The following PLCB2 variants were observed in gnomAD, a reference collection of about 807,000 sequenced individuals.
PLCB2 encodes the protein 1-phosphatidylinositol 4,5-bisphosphate phosphodiesterase beta-2.
PLCB2 carries 115 observed loss-of-function variants against 141.7 expected under a neutral mutation model. The ratio of observed to expected loss-of-function variants is 0.81; its 90% CI spans 0.70 to 0.95. The LOEUF (loss-of-function observed/expected upper bound fraction) is 0.95. PLCB2 is among the 40% of genes least tolerant of loss of function. The pLI, the probability that PLCB2 is intolerant of heterozygous loss-of-function variation, is 0.00. For synonymous variants in PLCB2, 603 were observed against 595.6 expected (o/e 1.01, Z -0.18); for missense variants, 1,403 against 1,541.1 (o/e 0.91, Z 1.50).
Position 40,297,851 on chromosome 15 carries a change from G to C in PLCB2, c.1238+26C>G. 2.5e-6 allele frequency: 4 copies of C among 1,574,902 alleles called. No homozygotes were observed. The highest frequency in any genetic ancestry group is 3.5e-6 in the Non-Finnish European group (4 of 1,144,798). On this transcript the variant is annotated intron_variant, in intron 12 of 31. Coordinates refer to ENST00000260402, the MANE Select transcript of PLCB2 (RefSeq NM_004573.3). The surrounding 1 kb of genome is among the most constrained non-coding windows in gnomAD (Gnocchi z 4.2). ...AGGAGACTGGGGGCTGGGTGAGAAT[G>C]TGGCTGAATGGGCCTGGATACGCAC...
rs1345400303 is a variant in PLCB2 at position 40,296,292 on chromosome 15, T to G, written c.1696+4A>C. The G allele has an allele frequency of 1.9e-6, 3 of 1,610,848 alleles. No homozygotes were observed. The highest frequency in any genetic ancestry group is 2.5e-6 in the Non-Finnish European group (3 of 1,178,056). On this transcript the variant is annotated splice_donor_region_variant and intron_variant, in intron 16 of 31. Coordinates refer to ENST00000260402, the MANE Select transcript of PLCB2 (RefSeq NM_004573.3). ...CCACCCGTAAGTTACTCATGCTAAC[T>G]TACGGGCAGAGAACTCAAAGGAGAC... is the stretch of plus-strand genomic sequence containing the variant.
downstream of PLCB2, chr15:40,285,518 G>GT: frequency 1.0e-6 from 1 of 984,676 alleles, no homozygotes; most frequent in Non-Finnish European, 1.2e-6. Context: ...GAGCTGCATA[G>GT]TTATTTAGAG....
In PLCB2 at chr15:40,294,380, G is replaced by A. The variant is rs758039999; in HGVS notation, c.1947C>T (p.Asn649=). The part of the protein sequence containing the change: ...MQQNMAVFEF[N]GQSGYLLKHE... ...GCTTGAGGAGGTAGCCGCTCTGCCC[G>A]TTGAACTCAAATACTGCCATGTTCT... The change falls in exon 19 of 32, where the codon AAC becomes AAT. Residue 649 remains asparagine (N), a synonymous_variant. Transcript: ENST00000260402. 29 of 1,614,048 alleles carry A rather than the reference G, an allele frequency of 1.8e-5. No individual in the cohort carries two copies. The highest frequency in any genetic ancestry group is 2.7e-5 in the African/African-American group (2 of 74,942).
chr15:40,291,372 C>T lies in PLCB2; in HGVS notation c.2763G>A (p.Glu921=), dbSNP rs1250383895. Residue 921 remains glutamate, a synonymous_variant, in exon 26 of 32, where the codon GAG becomes GAA. Coordinates refer to ENST00000260402, the MANE Select transcript of PLCB2 (RefSeq NM_004573.3). ...GCGCCGCGCCCCGCTGCAGCAGCTCCTCCCAGCGCCGCGCTCCGCGCCGCT... is the reference window on the plus strand; with the variant it reads ...GCGCCGCGCCCCGCTGCAGCAGCTCTTCCCAGCGCCGCGCTCCGCGCCGCT... ...ELERRGARRW[E]ELLQRGAAQL... is the part of the protein sequence containing the mutation. The T allele has an allele frequency of 1.3e-6, 2 of 1,526,926 alleles. No homozygotes were observed. The highest frequency in any genetic ancestry group is 8.7e-7 in the Non-Finnish European group (1 of 1,143,400). The allele number at this position is 1,526,926 out of a possible 1,614,324, so 94.6% of individuals were successfully genotyped here. A position where few individuals can be genotyped will look rare whatever the true frequency, so the allele number is the denominator to read the frequency against.
At position 40,292,109 on chromosome 15, in the gene PLCB2, G is replaced by A; in HGVS notation, c.2481C>T (p.Asp827=). The A allele has an allele frequency of 1.9e-6, 3 of 1,614,220 alleles. No homozygotes were observed. Among genetic ancestry groups the A allele is most frequent in the Non-Finnish European group, 2.5e-6 (3 of 1,180,046 alleles). Residue 827 remains aspartate (D), a synonymous_variant, in exon 23 of 32, where the codon GAC becomes GAT. Coordinates refer to ENST00000260402, the MANE Select transcript of PLCB2 (RefSeq NM_004573.3). The part of the protein sequence containing the change: ...ANPIKFFSAH[D]TKSVKLKEAM... ...CCTCCTTGAGCTTCACAGACTTCGT[G>A]TCATGGGCACTGAAGAACTTAATGG...
chr15:40,289,966 A>AGTGT (rs1410253935), intron 30 of PLCB2, 59 bp downstream of exon 30: 2 of 551,870 alleles, frequency 3.6e-6, no homozygotes, highest in African/African-American at 5.0e-5. Flanking sequence ...AGAGAGAGAG[A>AGTGT]GAGTGTGTGT....
At chr15:40,290,903 G>A (rs2141042738) in intron 27 of PLCB2, 66 bp from the exon 28 acceptor site, 1 of 1,345,682 alleles carries the variant, frequency 7.4e-7, no homozygotes, top group Non-Finnish European at 1.0e-6. Flanking sequence ...CGGGGGGCGG[G>A]GGTCGGTGGA....
chr15:40,289,562 C>A, intron 30 of PLCB2: 1 of 590,890 alleles, frequency 1.7e-6, no homozygotes, highest in South Asian at 2.0e-5. Context: ...ATGTGAGGCA[C>A]CTGGCAGAGT....
intron 19 of PLCB2, 112 bp from the exon 20 acceptor site, chr15:40,293,836 A>G (rs2040057782): frequency 9.4e-7 from 1 of 1,063,642 alleles, no homozygotes; most frequent in African/African-American, 1.6e-5. Flanking sequence ...GGGTGTTATG[A>G]AGAACCTCAC....
downstream of PLCB2, among the ~76,000 whole-genome samples, chr15:40,285,309 A>G (rs2039595484): frequency 6.6e-6 from 1 of 152,216 alleles, no homozygotes; most frequent in Non-Finnish European, 1.5e-5. Context: ...TGAAAAGGCC[A>G]CAGATCTGAC....
chr15:40,292,546 C>G (rs930169259), intron 21 of PLCB2, 103 bp from the exon 22 acceptor site: 1 of 706,388 alleles, frequency 1.4e-6, no homozygotes, highest in African/African-American at 1.8e-5. Flanking sequence ...ACTGCACCAT[C>G]CTGGCTGTGT....
intron 3 of PLCB2, 76 bp downstream of exon 3, chr15:40,303,212 C>T (rs2040610499): frequency 6.5e-6 from 7 of 1,081,282 alleles, no homozygotes; most frequent in East Asian, 2.4e-5. Context: ...GCTTCCCACC[C>T]GCACAGGGAC....
At chr15:40,299,312 G>C in intron 7 of PLCB2, 84 bp from the exon 8 acceptor site, 2 of 882,730 alleles carry the variant, frequency 2.3e-6, no homozygotes. Context: ...TGGTCAAGGG[G>C]ACCTGGTCAG....
At chr15:40,303,185 C>T (rs911284713) in intron 3 of PLCB2, 103 bp downstream of exon 3, 66 of 851,896 alleles carry the variant, frequency 7.7e-5, no homozygotes, top group South Asian at 6.3e-4. Flanking sequence ...AACCATTCCC[C>T]GTGCTTCAGA....
At chr15:40,302,931 TC>T (rs2040595315) in intron 3 of PLCB2, among the ~76,000 whole-genome samples, 1 of 152,172 alleles carries the variant, frequency 6.6e-6, no homozygotes. Context: ...TTCCCACCAA[TC>T]CCTTCCTCCA....
Position 40,288,202 on chromosome 15 carries a change from G to C in PLCB2, c.*513C>G, listed in dbSNP as rs1277781126. 1.0e-6 allele frequency: 1 copy of C among 985,624 alleles called. No individual in the cohort carries two copies. Among genetic ancestry groups the C allele is most frequent in the African/African-American group, 1.7e-5 (1 of 57,250 alleles). 61.1% of individuals were successfully genotyped at this position (985,624 alleles called of 1,614,324 possible). A position where few individuals can be genotyped will look rare whatever the true frequency, so the allele number is the denominator to read the frequency against. On this transcript the variant is annotated 3_prime_UTR_variant, in exon 32 of 32. Coordinates refer to ENST00000260402, the MANE Select transcript of PLCB2 (RefSeq NM_004573.3). ...GGGGAGGGCCCTCAGCCAGGGAGTG[G>C]CCGTCCCCAGGGAGCTGTGAGGTAG...
rs1566882229 is a variant in PLCB2 at position 40,297,303 on chromosome 15, G to GTAATACA, written c.1323+217_1323+218insTGTATTA. The stretch of plus-strand genomic sequence containing the variant: ...TTACTTGTCTGTCTCCTCACTAGAG[G>GTAATACA]GTAATACACCTGAGGGCAGTGACTG... On this transcript the variant is annotated intron_variant, in intron 13 of 31. Coordinates refer to ENST00000260402, the MANE Select transcript of PLCB2 (RefSeq NM_004573.3). This position sits in a 1 kb window ranked among gnomAD's most constrained non-coding sequence, Gnocchi z 4.2. Among the ~76,000 whole-genome samples, 1 of 151,654 alleles carries GTAATACA rather than the reference G, an allele frequency of 6.6e-6. No homozygotes were observed. Among genetic ancestry groups the GTAATACA allele is most frequent in the African/African-American group, 2.4e-5 (1 of 41,194 alleles).
rs954461922 is a variant in PLCB2 at position 40,291,131 on chromosome 15, C to T, written c.2923G>A (p.Gly975Ser). 2 of 1,574,688 alleles carry T rather than the reference C, an allele frequency of 1.3e-6. No homozygotes were observed. Among genetic ancestry groups the T allele is most frequent in the East Asian group, 2.3e-5 (1 of 43,234 alleles). ...AGAAPGEGPE[G>S]VDGRVRELKD... ...AGCTCCCGCACGCGCCCGTCCACGC[C>T]CTCAGGGCCCTCGCCCGGCGCGGCT... The change falls in exon 27 of 32, where the codon GGC (glycine) becomes AGC (serine). Residue 975 changes from glycine (G) to serine (S), a missense_variant. Around this residue, in one of 4 missense-constraint regions of PLCB2, gnomAD observed 290 missense variants for 245.9 expected, o/e 1.18. Coordinates refer to ENST00000260402, the MANE Select transcript of PLCB2 (RefSeq NM_004573.3).
At chr15:40,304,340 T>A (rs1234490287) in intron 1 of PLCB2, among the ~76,000 whole-genome samples, 1 of 152,066 alleles carries the variant, frequency 6.6e-6, no homozygotes, top group East Asian at 1.9e-4. Context: ...GGCCCCTACC[T>A]CATCTCATAG....
Sources: allele counts gnomAD v4.1 joint callset (sites outside exome capture counted in the v4.1 genomes callset), GRCh38; gene constraint gnomAD v4.1.1; regional missense constraint gnomAD v4.1.1; non-coding constraint Gnocchi (gnomAD v3.1); transcripts MANE v1.5; gene names NCBI Gene and HGNC (gene_info 2026-07-23, HGNC 2026-07-21).